HAPLN3: variants seen among roughly 807,000 people sequenced by gnomAD.
HAPLN3 encodes the protein extracellular link domain containing, 1.
Under a neutral mutation model 28.1 loss-of-function variants are expected in HAPLN3, and 28 were observed. The ratio of observed to expected loss-of-function variants is 1.00; its 90% confidence interval spans 0.74 to 1.37. The LOEUF is 1.37. Ranked by LOEUF, HAPLN3 falls within the 40% of genes most tolerant of loss-of-function variation. HAPLN3 has a pLI of 0.00. For missense variants in HAPLN3, 513 were observed against 504.6 expected, an observed-to-expected ratio of 1.02 and a Z score of -0.16; for synonymous variants, 211 against 213.1, an observed-to-expected ratio of 0.99 and a Z score of 0.09.
At chr15:88,892,996 A>C (rs940738328) in intron 1 of HAPLN3, 3 of 1,535,378 alleles carry the variant, frequency 2.0e-6, no homozygotes, top group East Asian at 4.9e-5. Flanking sequence ...TAGTTCCCCA[A>C]ATCTTCTGGA....
At position 88,888,104 on chromosome 15, in the gene HAPLN3, CT is replaced by C. The variant is rs899189641; in HGVS notation, c.-47-760del. ...AAAGATGAGTCCTGCATTGTGAACC[CT>C]TTTTTTTTTTTTTTGAGACAGAGTC... On this transcript the variant is annotated intron_variant, in intron 1 of 4. Coordinates refer to ENST00000359595, the MANE Select transcript of HAPLN3 (RefSeq NM_178232.4). This position sits in a 1 kb window ranked among gnomAD's most constrained non-coding sequence, Gnocchi z 4.1. Among the ~76,000 whole-genome samples, 1,782 of 139,874 alleles carry C rather than the reference CT, an allele frequency of 0.013. 16 individuals carry two copies. The highest frequency in any genetic ancestry group is 0.015 in the Non-Finnish European group (965 of 64,328). 91.8% of individuals were successfully genotyped at this position (139,874 alleles called of 152,430 possible).
chr15:88,883,423 T>C (rs1235360823), intron 2 of HAPLN3, among the ~76,000 whole-genome samples: 1 of 152,204 alleles, frequency 6.6e-6, no homozygotes, highest in Non-Finnish European at 1.5e-5. Context: ...TCCCCATTTG[T>C]AGAATGGGTT....
intron 1 of HAPLN3, among the ~76,000 whole-genome samples, chr15:88,893,953 G>C (rs34394020): frequency 0.052 from 7,681 of 148,702 alleles, 373 homozygotes; most frequent in East Asian, 0.15. Flanking sequence ...AGTTGGGGTG[G>C]GGGGGGCGGT....
rs1028677643 is a variant in HAPLN3 at position 88,888,505 on chromosome 15, TA to T, written c.-47-1161del. Among the ~76,000 whole-genome samples the T allele has an allele frequency of 2.0e-5, 3 of 152,174 alleles. No individual in the cohort carries two copies. Among genetic ancestry groups the T allele is most frequent in the African/African-American group, 7.2e-5 (3 of 41,420 alleles). ...GTAGTTTGATGATTTGATTTTTTTT[TA>T]AATATTGTATTCAAATATTTTGTCT... is the stretch of plus-strand genomic sequence containing the variant. On this transcript the variant is annotated intron_variant, in intron 1 of 4. Transcript: ENST00000359595. The surrounding 1 kb of genome is among the most constrained non-coding windows in gnomAD (Gnocchi z 4.1).
At chr15:88,884,186 G>C (rs1897782958) in intron 2 of HAPLN3, among the ~76,000 whole-genome samples, 2 of 152,182 alleles carry the variant, frequency 1.3e-5, no homozygotes, top group South Asian at 2.1e-4. Flanking sequence ...AAAAGGGAAA[G>C]ACAAAAATGA....
chr15:88,891,159 C>T (rs1454071946), intron 1 of HAPLN3, among the ~76,000 whole-genome samples: 1 of 152,208 alleles, frequency 6.6e-6, no homozygotes, highest in African/African-American at 2.4e-5. Context: ...GGATTACAGG[C>T]GTGAGCCACT....
chr15:88,880,979 G>C lies in HAPLN3; in HGVS notation c.493+378C>G, dbSNP rs576449142. 6.6e-6 allele frequency among the ~76,000 whole-genome samples: 1 copy of C among 152,092 alleles called. No individual in the cohort carries two copies. The highest frequency in any genetic ancestry group is 1.5e-5 in the Non-Finnish European group (1 of 68,026). On this transcript the variant is annotated intron_variant, in intron 3 of 4. Transcript: ENST00000359595. This position sits in a 1 kb window ranked among gnomAD's most constrained non-coding sequence, Gnocchi z 6.0. Reference sequence around the variant, plus strand: ...CGTCTCACAGTGGGCTGCCTCATTCGCTTGTGTTACCCGCTAACCTTGCTT... The same window carrying C: ...CGTCTCACAGTGGGCTGCCTCATTCCCTTGTGTTACCCGCTAACCTTGCTT...
chr15:88,881,463 G>C lies in HAPLN3; in HGVS notation c.387C>G (p.Val129=), dbSNP rs1897696483. ...GCCGCAGATCCTGGATCTCCAGCGAGACGTCATGCTCTTTGTCCTGCCGCA... is the reference window on the plus strand; with the variant it reads ...GCCGCAGATCCTGGATCTCCAGCGACACGTCATGCTCTTTGTCCTGCCGCA... ...VHLRQDKEHD[V]SLEIQDLRLE... Residue 129 remains valine, a synonymous_variant, in exon 3 of 5, where the codon GTC becomes GTG. Coordinates refer to ENST00000359595, the MANE Select transcript of HAPLN3 (RefSeq NM_178232.4). This position sits in a 1 kb window ranked among gnomAD's most constrained non-coding sequence, Gnocchi z 6.0. The C allele has an allele frequency of 8.7e-6, 14 of 1,614,094 alleles. No homozygotes were observed. In the East Asian group the frequency reaches 3.1e-4, roughly 36 times the overall value.
chr15:88,879,127 G>A lies in HAPLN3; in HGVS notation c.636C>T (p.Cys212=), dbSNP rs1223489346. ...TGGCATCCTGCAGCCAGCCCGCGTT[G>A]CACCAGTCCAGGCCCTCCTCCCAGG... is the stretch of plus-strand genomic sequence containing the variant. ...FRAWEEGLDW[C]NAGWLQDATV... Residue 212 remains cysteine, a synonymous_variant, in exon 4 of 5, where the codon TGC becomes TGT. Coordinates refer to ENST00000359595, the MANE Select transcript of HAPLN3 (RefSeq NM_178232.4). The surrounding 1 kb of genome is among the most constrained non-coding windows in gnomAD (Gnocchi z 5.0). 1.2e-6 allele frequency: 2 copies of A among 1,613,514 alleles called. No individual in the cohort carries two copies. The highest frequency in any genetic ancestry group is 8.5e-7 in the Non-Finnish European group (1 of 1,179,866).
chr15:88,881,786 G>C lies in HAPLN3; in HGVS notation c.125-61C>G, dbSNP rs983947074. Reference sequence around the variant, plus strand: ...GAAGCACATCTGTACCCCTGCAAGGGCCACCGCACACCCTCATCCACGGCT... The same window carrying C: ...GAAGCACATCTGTACCCCTGCAAGGCCCACCGCACACCCTCATCCACGGCT... On this transcript the variant is annotated intron_variant, in intron 2 of 4. Transcript: ENST00000359595. The surrounding 1 kb of genome is among the most constrained non-coding windows in gnomAD (Gnocchi z 6.0). 2 of 1,533,800 alleles carry C rather than the reference G, an allele frequency of 1.3e-6. No individual in the cohort carries two copies. The highest frequency in any genetic ancestry group is 1.8e-6 in the Non-Finnish European group (2 of 1,137,536).
At position 88,879,619 on chromosome 15, in the gene HAPLN3, G is replaced by A. The variant is rs1897642211; in HGVS notation, c.494-350C>T. 1.6e-6 allele frequency: 2 copies of A among 1,273,710 alleles called. No homozygotes were observed. Among genetic ancestry groups the A allele is most frequent in the East Asian group, 4.6e-5 (1 of 21,794 alleles). 78.9% of individuals were successfully genotyped at this position (1,273,710 alleles called of 1,614,324 possible). ...CCCGGGCTTTGGGCTCTAGGGGCCAGGTTTGACTCCCAGCTCCCCACTCGT... is the reference window on the plus strand; with the variant it reads ...CCCGGGCTTTGGGCTCTAGGGGCCAAGTTTGACTCCCAGCTCCCCACTCGT... On this transcript the variant is annotated intron_variant, in intron 3 of 4. Transcript: ENST00000359595. The surrounding 1 kb of genome is among the most constrained non-coding windows in gnomAD (Gnocchi z 5.0).
rs886915608 is a variant in HAPLN3 at position 88,888,128 on chromosome 15, G to C, written c.-47-783C>G. On this transcript the variant is annotated intron_variant, in intron 1 of 4. Coordinates refer to ENST00000359595, the MANE Select transcript of HAPLN3 (RefSeq NM_178232.4). The surrounding 1 kb of genome is among the most constrained non-coding windows in gnomAD (Gnocchi z 4.1). ...CCTTTTTTTTTTTTTTTGAGACAGA[G>C]TCTCGCTCTGTCGCCCAGGCTGGAG... 4.8e-5 allele frequency among the ~76,000 whole-genome samples: 7 copies of C among 146,192 alleles called. No individual in the cohort carries two copies. Among genetic ancestry groups the C allele is most frequent in the Admixed American group, 4.7e-4 (7 of 14,800 alleles).
chr15:88,889,928 A>G (rs1323109105), intron 1 of HAPLN3, among the ~76,000 whole-genome samples: 1 of 145,836 alleles, frequency 6.9e-6, no homozygotes, highest in Non-Finnish European at 1.5e-5. Flanking sequence ...CCAGAAGATG[A>G]GGAAACACTT....
chr15:88,892,930 G>C, intron 1 of HAPLN3: 1 of 1,531,650 alleles, frequency 6.5e-7, no homozygotes, highest in Non-Finnish European at 8.7e-7. Context: ...CACCACAGAG[G>C]TGCCACCAGC....
rs761884456 is a variant in HAPLN3 at position 88,877,942 on chromosome 15, G to A, written c.*28C>T. ...ACTCAATAAATACACAGCCAGTGAG[G>A]GAATGCGGCAGGGGAGGGCCCCAGG... is the stretch of plus-strand genomic sequence containing the variant. On this transcript the variant is annotated 3_prime_UTR_variant, in exon 5 of 5. Transcript: ENST00000359595. This position sits in a 1 kb window ranked among gnomAD's most constrained non-coding sequence, Gnocchi z 5.1. 1.9e-6 allele frequency: 3 copies of A among 1,558,378 alleles called. No homozygotes were observed. Among genetic ancestry groups the A allele is most frequent in the Admixed American group, 1.9e-5 (1 of 52,638 alleles).
At chr15:88,889,701 C>A (rs1897959807) in intron 1 of HAPLN3, among the ~76,000 whole-genome samples, 1 of 152,196 alleles carries the variant, frequency 6.6e-6, no homozygotes, top group Non-Finnish European at 1.5e-5. Flanking sequence ...GGATCAGACT[C>A]ACATCTTAAG....
intron 1 of HAPLN3, among the ~76,000 whole-genome samples, chr15:88,892,602 C>T (rs183907688): frequency 1.3e-5 from 2 of 152,246 alleles, no homozygotes; most frequent in Admixed American, 6.5e-5. Context: ...AAGTTAAACT[C>T]ATTGAGGTTG....
At chr15:88,883,525 G>C (rs1897763409) in intron 2 of HAPLN3, among the ~76,000 whole-genome samples, 1 of 152,222 alleles carries the variant, frequency 6.6e-6, no homozygotes, top group Non-Finnish European at 1.5e-5. Context: ...ATATGAAGCA[G>C]GGCTATCATT....
In HAPLN3 at chr15:88,879,002, C is replaced by T. The variant is rs756999566; in HGVS notation, c.761G>A (p.Arg254His). Reference protein sequence around the residue: ...SYGPRHRRLHRYDVFCFATAL... With the variant: ...SYGPRHRRLHHYDVFCFATAL... Reference sequence around the variant, plus strand: ...AGTAGCGAAGCAGAATACATCATAGCGGTGCAGGCGGCGGTGGCGGGGGCC... The same window carrying T: ...AGTAGCGAAGCAGAATACATCATAGTGGTGCAGGCGGCGGTGGCGGGGGCC... The change falls in exon 4 of 5, where the codon CGC becomes CAC. Residue 254 changes from arginine to histidine, a missense_variant. Transcript: ENST00000359595. This position sits in a 1 kb window ranked among gnomAD's most constrained non-coding sequence, Gnocchi z 5.0. 37 of 1,610,434 alleles carry T rather than the reference C, an allele frequency of 2.3e-5. No individual in the cohort carries two copies. Among genetic ancestry groups the T allele is most frequent in the African/African-American group, 1.3e-4 (10 of 75,034 alleles).
Sources: allele counts gnomAD v4.1 joint callset (sites outside exome capture counted in the v4.1 genomes callset), GRCh38; gene constraint gnomAD v4.1.1; non-coding constraint Gnocchi (gnomAD v3.1); transcripts MANE v1.5; gene names NCBI Gene and HGNC (gene_info 2026-07-23, HGNC 2026-07-21).